CD99: variants seen among roughly 807,000 people sequenced by gnomAD.
CD99 encodes the protein CD99 antigen.
In CD99, 19 loss-of-function variants were observed where a neutral mutation model predicts 28.4. The observed-to-expected ratio is 0.67, with a 90% confidence interval of 0.47 to 0.98. The LOEUF (loss-of-function observed/expected upper bound fraction) is 0.98. CD99 is among the 50% of genes least tolerant of loss of function. The pLI, the probability that CD99 is intolerant of heterozygous loss-of-function variation, is 0.00. For synonymous variants in CD99, 103 were observed against 92.1 expected (o/e 1.12, Z -0.67); for missense variants, 283 against 248.8 (o/e 1.14, Z -0.92).
chrX:2,700,516 TCATCCATG>T (rs1452800113), intron 1 of CD99, among the ~76,000 whole-genome samples: 2 of 149,754 alleles, frequency 1.3e-5, no homozygotes, highest in Admixed American at 1.3e-4. Flanking sequence ...ATCCATCCAT[TCATCCATG>T]CATCCATCCA....
chrX:2,738,095 A>C (rs762905724), intron 8 of CD99, 105 bp from the exon 9 acceptor site: 1 of 993,110 alleles, frequency 1.0e-6, no homozygotes, highest in East Asian at 2.4e-5. Flanking sequence ...TCATCCAAGC[A>C]ATAGGAGCGT....
chrX:2,728,200 CTTTTTTTTTT>C lies in CD99; in HGVS notation c.475+1840_475+1849del, dbSNP rs892410632. Among the ~76,000 whole-genome samples, 591 of 106,974 alleles carry C rather than the reference CTTTTTTTTTT, an allele frequency of 5.5e-3. 3 individuals carry two copies. The highest frequency in any genetic ancestry group is 8.5e-3 in the Admixed American group (90 of 10,628). The allele number at this position is 106,974 out of a possible 152,430, so 70.2% of individuals were successfully genotyped here. A position where few individuals can be genotyped will look rare whatever the true frequency, so the allele number is the denominator to read the frequency against. On this transcript the variant is annotated intron_variant, in intron 8 of 9. Transcript: ENST00000381192. ...AGTGGGAAATGGTGTTTGGTTGTTT[CTTTTTTTTTT>C]TTTTTTTTTTTTGAGATGGAGTCTC... is the stretch of plus-strand genomic sequence containing the variant.
chrX:2,701,199 TCACCCACGCATGCATCCATCCATC>T (rs1245401949), intron 1 of CD99, among the ~76,000 whole-genome samples: 1 of 142,280 alleles, frequency 7.0e-6, no homozygotes, highest in Non-Finnish European at 1.5e-5. Flanking sequence ...ATTTATCCAC[TCACCCACGCATGCATCCATCCATC>T]CATCCATCCA....
At chrX:2,720,251 G>A (rs946873591) in intron 4 of CD99, 105 bp from the exon 5 acceptor site, 68 of 1,009,942 alleles carry the variant, frequency 6.7e-5, no homozygotes, top group Non-Finnish European at 3.9e-5. Flanking sequence ...CAGGACAAAG[G>A]CCAAGGTCCA....
At chrX:2,725,964 G>A (rs56166193) in intron 7 of CD99, among the ~76,000 whole-genome samples, 5,454 of 152,150 alleles carry the variant, frequency 0.036, 334 homozygotes, top group African/African-American at 0.12. Context: ...CCTTGGTTCT[G>A]CTGAGCTTCT....
chrX:2,696,891 C>T (rs765993950), intron 1 of CD99, among the ~76,000 whole-genome samples: 2 of 152,248 alleles, frequency 1.3e-5, no homozygotes, highest in African/African-American at 4.8e-5. Flanking sequence ...TTTAGTATGA[C>T]TCAGGGTTGC....
At chrX:2,720,845 G>A (rs2048962697) in intron 5 of CD99, among the ~76,000 whole-genome samples, 1 of 151,986 alleles carries the variant, frequency 6.6e-6, no homozygotes, top group African/African-American at 2.4e-5. Flanking sequence ...GGCTGGTCTT[G>A]AACTCCTGAC....
chrX:2,710,076 G>T (rs185049085), intron 1 of CD99, among the ~76,000 whole-genome samples: 1 of 152,230 alleles, frequency 6.6e-6, no homozygotes, highest in Non-Finnish European at 1.5e-5. Flanking sequence ...TGCCCTTTCT[G>T]TGGAAATATA....
intron 8 of CD99, among the ~76,000 whole-genome samples, chrX:2,732,572 T>C (rs1344574842): frequency 1.7e-5 from 2 of 120,876 alleles, no homozygotes; most frequent in African/African-American, 3.0e-5. Context: ...CCTCTCTCTC[T>C]CTTTTCATTC....
At chrX:2,723,132 A>C (rs2049083040) in intron 6 of CD99, 182 bp from the exon 7 acceptor site, 1 of 160,894 alleles carries the variant, frequency 6.2e-6, no homozygotes, top group African/African-American at 2.4e-5. Flanking sequence ...GCAGCACCTC[A>C]GCTCTGTAGC....
In CD99 at chrX:2,741,019, A is replaced by C; in HGVS notation, c.*215A>C. 1.7e-6 allele frequency: 1 copy of C among 594,562 alleles called. No individual in the cohort carries two copies. The highest frequency in any genetic ancestry group is 3.0e-6 in the Non-Finnish European group (1 of 332,096). The allele number at this position is 594,562 out of a possible 1,614,324, so 36.8% of individuals were successfully genotyped here. Reference sequence around the variant, plus strand: ...CATCCAAAGGGGGATAGGCACTTGGACCCCCATTCTCCAAGGCCCGGGGGG... The same window carrying C: ...CATCCAAAGGGGGATAGGCACTTGGCCCCCCATTCTCCAAGGCCCGGGGGG... On this transcript the variant is annotated 3_prime_UTR_variant, in exon 10 of 10. Transcript: ENST00000381192.
At position 2,741,157 on chromosome X, in the gene CD99, C is replaced by A. The variant is rs895968019; in HGVS notation, c.*353C>A. 1 of 320,338 alleles carries A rather than the reference C, an allele frequency of 3.1e-6. No homozygotes were observed. Among genetic ancestry groups the A allele is most frequent in the Non-Finnish European group, 5.7e-6 (1 of 174,562 alleles). The allele number at this position is 320,338 out of a possible 1,614,324, so 19.8% of individuals were successfully genotyped here. Reference sequence around the variant, plus strand: ...CAGAATCTTGGCTGTTTACAAATCACGTGTCCATCGAGCACGTCTGAAACC... The same window carrying A: ...CAGAATCTTGGCTGTTTACAAATCAAGTGTCCATCGAGCACGTCTGAAACC... On this transcript the variant is annotated 3_prime_UTR_variant, in exon 10 of 10. Coordinates refer to ENST00000381192, the MANE Select transcript of CD99 (RefSeq NM_002414.5).
chrX:2,719,408 C>T, intron 3 of CD99: 1 of 514,858 alleles, frequency 1.9e-6, no homozygotes. Context: ...TCCCCACTGC[C>T]TCTCCTCTGA....
intron 3 of CD99, 145 bp downstream of exon 3, chrX:2,717,797 G>A (rs933750790): frequency 8.7e-6 from 6 of 686,276 alleles, no homozygotes; most frequent in Non-Finnish European, 1.6e-5. Flanking sequence ...TACTGGAATT[G>A]TGTTATGATG....
intron 1 of CD99, chrX:2,692,066 C>T (rs2047335070): frequency 3.3e-6 from 2 of 611,726 alleles, no homozygotes; most frequent in Non-Finnish European, 2.9e-6. Flanking sequence ...CCATCTGCGG[C>T]GGTGGAGAAT....
intron 8 of CD99, chrX:2,737,992 G>T: frequency 2.8e-6 from 2 of 717,466 alleles, no homozygotes; most frequent in Non-Finnish European, 5.2e-6. Context: ...CTCTGCCTGT[G>T]CCATGCATGA....
chrX:2,734,635 T>C (rs1199145726), intron 8 of CD99, among the ~76,000 whole-genome samples: 1 of 151,274 alleles, frequency 6.6e-6, no homozygotes, highest in Non-Finnish European at 1.5e-5. Flanking sequence ...TTTTTTTCTC[T>C]TATTTCTTTT....
In CD99 at chrX:2,736,459, T is replaced by G. The variant is rs149838952; in HGVS notation, c.476-1741T>G. On this transcript the variant is annotated intron_variant, in intron 8 of 9. Transcript: ENST00000381192. ...TGTGCATCTCTTACGCGTTTCCAAT[T>G]CTGTTGGCTTATGCTGTGGGTCAGA... Among the ~76,000 whole-genome samples the G allele has an allele frequency of 3.4e-3, 522 of 152,170 alleles. 3 individuals are homozygous for G. Among genetic ancestry groups the G allele is most frequent in the African/African-American group, 0.012 (501 of 41,528 alleles).
At chrX:2,731,890 T>G in intron 8 of CD99, among the ~76,000 whole-genome samples, 1 of 152,018 alleles carries the variant, frequency 6.6e-6, no homozygotes, top group Middle Eastern at 3.4e-3. Context: ...CTGTCTGTTA[T>G]AGGTTGGTGC....
Sources: allele counts gnomAD v4.1 joint callset (sites outside exome capture counted in the v4.1 genomes callset), GRCh38; gene constraint gnomAD v4.1.1; transcripts MANE v1.5; gene names NCBI Gene and HGNC (gene_info 2026-07-23, HGNC 2026-07-21).